Variants in BCAS3 observed in about 807,000 individuals in gnomAD.
BCAS3 encodes BCAS3 microtubule associated cell migration factor.
BCAS3 carries 53 observed loss-of-function variants against 116.1 expected under a neutral mutation model. The observed-to-expected ratio is 0.46, with a 90% CI of 0.37 to 0.57. The LOEUF (loss-of-function observed/expected upper bound fraction) is 0.57. Among genes scored for constraint, BCAS3 ranks in the 20% least tolerant of loss-of-function variants. The pLI, the probability that BCAS3 is intolerant of heterozygous loss-of-function variation, is 0.00. For synonymous variants in BCAS3, 391 were observed against 408.2 expected (o/e 0.96, Z 0.51); for missense variants, 917 against 1,165.4 (o/e 0.79, Z 3.10).
intron 22 of BCAS3, among the ~76,000 whole-genome samples, chr17:61,193,757 CAAAAAAAAAAA>C (rs59810014): frequency 1.5e-3 from 78 of 52,328 alleles, no homozygotes; most frequent in African/African-American, 5.3e-3. Context: ...AACTCCATCT[CAAAAAAAAAAA>C]AAAAAAAAAA....
At chr17:60,810,700 G>A in intron 7 of BCAS3, 1 of 667,764 alleles carries the variant, frequency 1.5e-6, no homozygotes, top group Non-Finnish European at 2.8e-6. Context: ...CTAGTCTGTG[G>A]AGAGGGACAT....
intron 22 of BCAS3, among the ~76,000 whole-genome samples, chr17:61,310,645 C>T (rs1386956877): frequency 6.6e-6 from 1 of 152,104 alleles, no homozygotes; most frequent in Non-Finnish European, 1.5e-5. Flanking sequence ...TAATCTGTCC[C>T]CCTGAGCCCA....
chr17:61,161,137 A>G lies in BCAS3; in HGVS notation c.2425+76573A>G, dbSNP rs368218193. Among the ~76,000 whole-genome samples, 1 of 152,248 alleles carries G rather than the reference A, an allele frequency of 6.6e-6. No homozygotes were observed. The highest frequency in any genetic ancestry group is 6.5e-5 in the Admixed American group (1 of 15,282). Reference sequence around the variant, plus strand: ...AGTCTCAATTAGGTTGCTGCCTAGCAGGAAGCTTATAACCACATTAAAATG... The same window carrying G: ...AGTCTCAATTAGGTTGCTGCCTAGCGGGAAGCTTATAACCACATTAAAATG... On this transcript the variant is annotated intron_variant, in intron 22 of 23. Coordinates refer to ENST00000407086, the MANE Select transcript of BCAS3 (RefSeq NM_017679.5). The surrounding 1 kb of genome is among the most constrained non-coding windows in gnomAD (Gnocchi z 4.8).
intron 5 of BCAS3, among the ~76,000 whole-genome samples, chr17:60,740,677 G>A (rs1302699293): frequency 6.6e-6 from 1 of 152,022 alleles, no homozygotes; most frequent in Non-Finnish European, 1.5e-5. Context: ...AGAGTGTGTG[G>A]TGTGTTTTTT....
intron 22 of BCAS3, among the ~76,000 whole-genome samples, chr17:61,317,477 A>G (rs2054839690): frequency 6.6e-6 from 1 of 152,186 alleles, no homozygotes; most frequent in South Asian, 2.1e-4. Context: ...GGAGAACCAG[A>G]CAGTTCCTGG....
chr17:60,714,325 T>C (rs944587525), intron 5 of BCAS3, among the ~76,000 whole-genome samples: 1 of 152,076 alleles, frequency 6.6e-6, no homozygotes, highest in Non-Finnish European at 1.5e-5. Context: ...GTCCAAACCT[T>C]AGCTTAGTTT....
chr17:61,216,513 T>C (rs1380277388), intron 22 of BCAS3, among the ~76,000 whole-genome samples: 3 of 136,128 alleles, frequency 2.2e-5, no homozygotes, highest in South Asian at 5.3e-4. Flanking sequence ...TCAATAAGTA[T>C]GTGTTTATTT....
intron 22 of BCAS3, among the ~76,000 whole-genome samples, chr17:61,193,077 C>T (rs542514468): frequency 3.2e-4 from 48 of 152,180 alleles, no homozygotes; most frequent in African/African-American, 1.0e-3. Context: ...CGCTGGCCAA[C>T]GTGGCAAAAC....
chr17:61,115,921 A>T lies in BCAS3; in HGVS notation c.2425+31357A>T, dbSNP rs1277569555. On this transcript the variant is annotated intron_variant, in intron 22 of 23. Transcript: ENST00000407086. ...GAATACTATGCAGCCATAACAAATGATGAGTTCATGTCCTTTGTAGGGACA... is the reference window on the plus strand; with the variant it reads ...GAATACTATGCAGCCATAACAAATGTTGAGTTCATGTCCTTTGTAGGGACA... Among the ~76,000 whole-genome samples the T allele has an allele frequency of 1.3e-4, 19 of 151,960 alleles. No homozygotes were observed. In the East Asian group the frequency reaches 3.5e-3, roughly 28 times the overall value.
intron 22 of BCAS3, among the ~76,000 whole-genome samples, chr17:61,237,295 T>C (rs2083137549): frequency 6.6e-6 from 1 of 152,110 alleles, no homozygotes; most frequent in Non-Finnish European, 1.5e-5. Flanking sequence ...CACCAATCAG[T>C]GCTCTGTAAA....
rs761865960 is a variant in BCAS3 at position 61,208,161 on chromosome 17, G to T, written c.2425+123597G>T. ...TTCAAATCTAAATTCAGGATGGGAA[G>T]GTTTCATGAACTTTCCAGAGACTAG... is the stretch of plus-strand genomic sequence containing the variant. On this transcript the variant is annotated intron_variant, in intron 22 of 23. Transcript: ENST00000407086. The surrounding 1 kb of genome is among the most constrained non-coding windows in gnomAD (Gnocchi z 4.5). Among the ~76,000 whole-genome samples, 18 of 152,160 alleles carry T rather than the reference G, an allele frequency of 1.2e-4. No homozygotes were observed. The highest frequency in any genetic ancestry group is 7.4e-5 in the Non-Finnish European group (5 of 68,024).
intron 22 of BCAS3, among the ~76,000 whole-genome samples, chr17:61,129,771 C>A (rs1334526486): frequency 6.6e-6 from 1 of 152,186 alleles, no homozygotes; most frequent in Non-Finnish European, 1.5e-5. Flanking sequence ...ACTTCATGTC[C>A]TTCCTTGTCC....
chr17:61,388,632 A>T lies in BCAS3; in HGVS notation c.2594-3345A>T. On this transcript the variant is annotated intron_variant, in intron 23 of 23. Coordinates refer to ENST00000407086, the MANE Select transcript of BCAS3 (RefSeq NM_017679.5). The surrounding 1 kb of genome is among the most constrained non-coding windows in gnomAD (Gnocchi z 6.5). The stretch of plus-strand genomic sequence containing the variant: ...CTTTTCAAAAGGGAAAAAAAAAGGA[A>T]AAAAAAAACAATGCCAACAGCCCAG... 1 of 1,536,122 alleles carries T rather than the reference A, an allele frequency of 6.5e-7. No homozygotes were observed. The highest frequency in any genetic ancestry group is 8.7e-7 in the Non-Finnish European group (1 of 1,148,088).
At chr17:61,237,474 G>GC (rs2083154304) in intron 22 of BCAS3, among the ~76,000 whole-genome samples, 1 of 152,212 alleles carries the variant, frequency 6.6e-6, no homozygotes, top group Non-Finnish European at 1.5e-5. Flanking sequence ...ACCCACTGAG[G>GC]CCCCCTAGCA....
chr17:60,912,996 A>G (rs2058597005), intron 12 of BCAS3, among the ~76,000 whole-genome samples: 1 of 152,046 alleles, frequency 6.6e-6, no homozygotes, highest in African/African-American at 2.4e-5. Context: ...ACATATAATT[A>G]TATTAAAACA....
chr17:61,038,303 A>T (rs2067205672), intron 18 of BCAS3, among the ~76,000 whole-genome samples: 2 of 135,260 alleles, frequency 1.5e-5, no homozygotes, highest in African/African-American at 5.6e-5. Flanking sequence ...TTTGAGACGG[A>T]GTCTCACTCT....
chr17:61,386,095 TG>T (rs1242636618), intron 23 of BCAS3, among the ~76,000 whole-genome samples: 7 of 152,228 alleles, frequency 4.6e-5, no homozygotes, highest in Non-Finnish European at 1.0e-4. Flanking sequence ...CACTTTGTGA[TG>T]CACTCTACAT....
chr17:60,851,623 G>A lies in BCAS3; in HGVS notation c.477-16953G>A, dbSNP rs959661482. ...GAAGTACAAATAAAAGGGCAAAGGGGAGCAAAGGGAAAACAGGCTGAAAGA... is the reference window on the plus strand; with the variant it reads ...GAAGTACAAATAAAAGGGCAAAGGGAAGCAAAGGGAAAACAGGCTGAAAGA... On this transcript the variant is annotated intron_variant, in intron 7 of 23. Transcript: ENST00000407086. 11 of 675,756 alleles carry A rather than the reference G, an allele frequency of 1.6e-5. No individual in the cohort carries two copies. The African/African-American group carries it at 2.0e-4, about 12-fold the overall frequency. The allele number at this position is 675,756 out of a possible 1,614,324, so 41.9% of individuals were successfully genotyped here.
intron 22 of BCAS3, among the ~76,000 whole-genome samples, chr17:61,232,199 C>CG (rs1424555264): frequency 0.012 from 380 of 32,338 alleles, no homozygotes; most frequent in Middle Eastern, 0.036. Context: ...TGAAAGACTC[C>CG]GAAAAAAAAA....
Sources: allele counts gnomAD v4.1 joint callset (sites outside exome capture counted in the v4.1 genomes callset), GRCh38; gene constraint gnomAD v4.1.1; non-coding constraint Gnocchi (gnomAD v3.1); transcripts MANE v1.5; gene names NCBI Gene and HGNC (gene_info 2026-07-23, HGNC 2026-07-21).